Variants in PPP1R16B observed in about 807,000 individuals in gnomAD.
PPP1R16B encodes the protein protein phosphatase 1 regulatory inhibitor subunit 16B.
Under a neutral mutation model 61.7 loss-of-function variants are expected in PPP1R16B, and 14 were observed. The observed-to-expected ratio is 0.23, with a 90% CI of 0.15 to 0.35. The LOEUF is 0.35. Among genes scored for constraint, PPP1R16B ranks in the 10% least tolerant of loss-of-function variants. The pLI is 1.00. For missense variants in PPP1R16B, 547 were observed against 752.5 expected (o/e 0.73, Z 3.19); for synonymous variants, 266 against 305.3 (o/e 0.87, Z 1.34).
At chr20:38,863,192 GC>G (rs1056297980) in intron 2 of PPP1R16B, among the ~76,000 whole-genome samples, 1 of 152,132 alleles carries the variant, frequency 6.6e-6, no homozygotes, top group Admixed American at 6.5e-5. Flanking sequence ...ACAAACCACA[GC>G]ACAAAACACA....
At position 38,895,714 on chromosome 20, in the gene PPP1R16B, C is replaced by T. The variant is rs756573517; in HGVS notation, c.467+4C>T. 6.8e-6 allele frequency: 11 copies of T among 1,613,586 alleles called. No homozygotes were observed. The highest frequency in any genetic ancestry group is 1.3e-5 in the African/African-American group (1 of 74,894). On this transcript the variant is annotated splice_donor_region_variant and intron_variant, in intron 4 of 10. Transcript: ENST00000299824. The stretch of plus-strand genomic sequence containing the variant: ...TGGTGAAGATCCTCGTTCAGTAGTA[C>T]GTGCCCCTCCCTGCCCCAGAGCAGC...
At chr20:38,839,022 G>T (rs1466732265) in intron 2 of PPP1R16B, among the ~76,000 whole-genome samples, 1 of 152,236 alleles carries the variant, frequency 6.6e-6, no homozygotes, top group African/African-American at 2.4e-5. Context: ...CTGCCTCCCG[G>T]GTTCAAGCGA....
intron 2 of PPP1R16B, among the ~76,000 whole-genome samples, chr20:38,863,689 C>G (rs2085070900): frequency 6.6e-6 from 1 of 152,218 alleles, no homozygotes; most frequent in South Asian, 2.1e-4. Context: ...TTAAATGAAC[C>G]TGTGGATGTC....
intron 1 of PPP1R16B, among the ~76,000 whole-genome samples, chr20:38,833,555 C>T (rs113021675): frequency 1.3e-5 from 2 of 152,212 alleles, no homozygotes; most frequent in African/African-American, 2.4e-5. Flanking sequence ...CTATTTGTTA[C>T]GCTCCCTGTG....
chr20:38,905,872 C>T lies in PPP1R16B; in HGVS notation c.697-97C>T, dbSNP rs545088663. 42 of 1,298,532 alleles carry T rather than the reference C, an allele frequency of 3.2e-5. No individual in the cohort carries two copies. In the South Asian group the frequency reaches 5.7e-4, roughly 18 times the overall value. 80.4% of individuals were successfully genotyped at this position (1,298,532 alleles called of 1,614,324 possible). Reference sequence around the variant, plus strand: ...TCATTCTATTCCATTCTACTGGCCCCAAGGATGCTGTGGGAGTTGGGTGAA... The same window carrying T: ...TCATTCTATTCCATTCTACTGGCCCTAAGGATGCTGTGGGAGTTGGGTGAA... On this transcript the variant is annotated intron_variant, in intron 6 of 10. Transcript: ENST00000299824.
chr20:38,858,195 A>C (rs766284152), intron 2 of PPP1R16B, among the ~76,000 whole-genome samples: 1 of 152,046 alleles, frequency 6.6e-6, no homozygotes, highest in Non-Finnish European at 1.5e-5. Context: ...ATTCCATCGC[A>C]CTGGGGATAG....
chr20:38,906,297 T>TTG lies in PPP1R16B; in HGVS notation c.822+204_822+205insGT, dbSNP rs1555809088. On this transcript the variant is annotated intron_variant, in intron 7 of 10. Coordinates refer to ENST00000299824, the MANE Select transcript of PPP1R16B (RefSeq NM_015568.4). ...AAGCAAGTTGTGTTTTTTTTTTTTT[T>TTG]TTTTTTTTTTTTTTGAGATGGAGTC... is the stretch of plus-strand genomic sequence containing the variant. Among the ~76,000 whole-genome samples, 68 of 131,648 alleles carry TTG rather than the reference T, an allele frequency of 5.2e-4. 1 individual carries two copies. The highest frequency in any genetic ancestry group is 1.3e-3 in the African/African-American group (44 of 34,308). 86.4% of individuals were successfully genotyped at this position (131,648 alleles called of 152,430 possible). A position where few individuals can be genotyped will look rare whatever the true frequency, so the allele number is the denominator to read the frequency against.
Position 38,900,614 on chromosome 20 carries a change from G to A in PPP1R16B, c.501G>A (p.Gly167=). ...ACTTGCTTGCTGTCAACTCGGATGGGAACATGCCATATGACCTCTGCGAGG... is the reference window on the plus strand; with the variant it reads ...ACTTGCTTGCTGTCAACTCGGATGGAAACATGCCATATGACCTCTGCGAGG... ...GADLLAVNSD[G]NMPYDLCEDE... is the part of the protein sequence containing the mutation. Residue 167 remains glycine, a synonymous_variant, in exon 5 of 11, where the codon GGG becomes GGA. Coordinates refer to ENST00000299824, the MANE Select transcript of PPP1R16B (RefSeq NM_015568.4). 6.2e-7 allele frequency: 1 copy of A among 1,601,450 alleles called. No individual in the cohort carries two copies. The highest frequency in any genetic ancestry group is 1.7e-5 in the Admixed American group (1 of 57,710).
chr20:38,855,941 TATAGAG>T (rs1428165969), intron 2 of PPP1R16B, among the ~76,000 whole-genome samples: 2 of 25,370 alleles, frequency 7.9e-5, no homozygotes, highest in African/African-American at 2.5e-4. Context: ...TATATATATA[TATAGAG>T]AGAGAGAGAG....
rs766547256 is a variant in PPP1R16B, at chr20:38,895,663, T to C, written c.420T>C (p.Ala140=). ...ACGAGCTGTGGACACCTCTCCATGC[T>C]GCAGCCACCTGCGGCCACATCAACC... ...KDNELWTPLH[A]AATCGHINLV... Residue 140 remains alanine, a synonymous_variant, in exon 4 of 11, where the codon GCT becomes GCC. Transcript: ENST00000299824. 1.5e-5 allele frequency: 25 copies of C among 1,614,062 alleles called. No individual in the cohort carries two copies. Among genetic ancestry groups the C allele is most frequent in the Non-Finnish European group, 8.5e-7 (1 of 1,180,036 alleles).
At chr20:38,872,710 A>G in intron 2 of PPP1R16B, 1 of 152,530 alleles carries the variant, frequency 6.6e-6, no homozygotes, top group Non-Finnish European at 1.5e-5. Flanking sequence ...GAGCCAGGAG[A>G]GGTTTCTGAG....
At chr20:38,879,088 A>G (rs779222250) in intron 2 of PPP1R16B, among the ~76,000 whole-genome samples, 4 of 152,162 alleles carry the variant, frequency 2.6e-5, no homozygotes, top group African/African-American at 4.8e-5. Flanking sequence ...AGCTGTAAGG[A>G]GAGGTGCTGG....
chr20:38,886,588 G>A (rs1374637063), intron 2 of PPP1R16B, among the ~76,000 whole-genome samples: 1 of 152,234 alleles, frequency 6.6e-6, no homozygotes, highest in Admixed American at 6.5e-5. Flanking sequence ...CTCACCCGTG[G>A]GCAGGTTGGG....
chr20:38,826,941 TTTTA>T (rs2084808892), intron 1 of PPP1R16B, among the ~76,000 whole-genome samples: 1 of 152,218 alleles, frequency 6.6e-6, no homozygotes, highest in African/African-American at 2.4e-5. Flanking sequence ...TGTATTTATT[TTTTA>T]AATGATTTAT....
At chr20:38,870,781 A>T (rs2085123530) in intron 2 of PPP1R16B, among the ~76,000 whole-genome samples, 1 of 152,150 alleles carries the variant, frequency 6.6e-6, no homozygotes, top group African/African-American at 2.4e-5. Flanking sequence ...CTGCGTTCTC[A>T]GCTCCAAGAG....
chr20:38,824,057 C>A (rs941409447), intron 1 of PPP1R16B, among the ~76,000 whole-genome samples: 8 of 152,106 alleles, frequency 5.3e-5, no homozygotes, highest in Non-Finnish European at 4.4e-5. Flanking sequence ...GCCCTAGTTA[C>A]GAGTTCCCTA....
intron 1 of PPP1R16B, among the ~76,000 whole-genome samples, chr20:38,816,704 T>C (rs2084738041): frequency 1.3e-5 from 2 of 152,194 alleles, no homozygotes; most frequent in Admixed American, 1.3e-4. Flanking sequence ...GAATCAGCGC[T>C]GTGGAATGAA....
chr20:38,820,067 C>A (rs1299716000), intron 1 of PPP1R16B, among the ~76,000 whole-genome samples: 2 of 152,174 alleles, frequency 1.3e-5, no homozygotes, highest in Non-Finnish European at 2.9e-5. Flanking sequence ...TTTTGGTTAA[C>A]ACTGTTTGCG....
chr20:38,908,332 T>C (rs1196423273), intron 10 of PPP1R16B, 139 bp downstream of exon 10: 1 of 1,067,722 alleles, frequency 9.4e-7, no homozygotes, highest in African/African-American at 1.6e-5. Flanking sequence ...ATATCCAGTC[T>C]GATGATGATG....
Sources: gnomAD v4.1 joint callset for allele counts (sites outside exome capture counted in the v4.1 genomes callset) on GRCh38, gnomAD v4.1.1 for gene constraint, MANE v1.5 for transcripts, NCBI Gene and HGNC (gene_info 2026-07-23, HGNC 2026-07-21) for gene names.